Variants in PPFIBP2 observed in about 807,000 individuals in gnomAD.
PPFIBP2 encodes the protein PPFIB scaffold protein 2, also known as liprin-beta-2.
Under a neutral mutation model 118.3 loss-of-function variants are expected in PPFIBP2, and 118 were observed. The ratio of observed to expected loss-of-function variants is 1.00; its 90% CI spans 0.86 to 1.16. The LOEUF is 1.16. PPFIBP2 is among the 50% of genes most tolerant of loss of function. The pLI is 0.00. For synonymous variants in PPFIBP2, 414 were observed against 397.4 expected (o/e 1.04, Z -0.50); for missense variants, 1,195 against 1,073.1 (o/e 1.11, Z -1.59).
rs139654773 is a variant in PPFIBP2, at chr11:7,592,764, A to G, written c.280-368A>G. ...CTTGGAGAACGGTGCCAGCTCTCCA[A>G]TCTCCTCAAAGAGCAGACCCTCATT... On this transcript the variant is annotated intron_variant, in intron 3 of 23. Coordinates refer to ENST00000299492, the MANE Select transcript of PPFIBP2 (RefSeq NM_003621.5). Among the ~76,000 whole-genome samples, 20 of 152,244 alleles carry G rather than the reference A, an allele frequency of 1.3e-4. No homozygotes were observed. The East Asian group carries it at 1.9e-3, about 15-fold the overall frequency.
At chr11:7,604,473 C>T (rs554219169) in intron 5 of PPFIBP2, among the ~76,000 whole-genome samples, 17 of 143,606 alleles carry the variant, frequency 1.2e-4, no homozygotes, top group Non-Finnish European at 2.1e-4. Context: ...CATACACGCA[C>T]ACACACCCCC....
intron 1 of PPFIBP2, among the ~76,000 whole-genome samples, chr11:7,534,622 C>T (rs1168436697): frequency 3.3e-5 from 5 of 152,124 alleles, no homozygotes; most frequent in Non-Finnish European, 7.4e-5. Flanking sequence ...GGGCATGAGG[C>T]TCTCTGTCTG....
chr11:7,541,882 C>T (rs1265062426), intron 1 of PPFIBP2, among the ~76,000 whole-genome samples: 1 of 152,190 alleles, frequency 6.6e-6, no homozygotes, highest in Non-Finnish European at 1.5e-5. Context: ...ACCGTGTAGG[C>T]ACACTTGACT....
chr11:7,602,331 T>C (rs1322061394), intron 5 of PPFIBP2, among the ~76,000 whole-genome samples: 3 of 152,182 alleles, frequency 2.0e-5, no homozygotes, highest in Non-Finnish European at 4.4e-5. Flanking sequence ...AGCGATGTTC[T>C]TGTGACTGCC....
chr11:7,654,133 C>G (rs1297401676), downstream of PPFIBP2, among the ~76,000 whole-genome samples: 5 of 152,338 alleles, frequency 3.3e-5, 1 homozygote, highest in East Asian at 9.6e-4. Context: ...GAAAGACTCT[C>G]TTTCATGTGT....
chr11:7,610,333 C>A lies in PPFIBP2; in HGVS notation c.529C>A (p.Leu177Met). The stretch of plus-strand genomic sequence containing the variant: ...ATCTCTTGAGACCCAGAAGCTCGAT[C>A]TGATGACTGAAGTGTCTGAGCTGAA... ...RTSLETQKLD[L>M]MTEVSELKLK... is the part of the protein sequence containing the mutation. Residue 177 changes from leucine (L) to methionine (M), a missense_variant, in exon 6 of 24, where the codon CTG becomes ATG. Leu to Met is a conservative substitution (Grantham distance 15). Transcript: ENST00000299492. 1 of 1,614,186 alleles carries A rather than the reference C, an allele frequency of 6.2e-7. No homozygotes were observed. Among genetic ancestry groups the A allele is most frequent in the Non-Finnish European group, 8.5e-7 (1 of 1,180,010 alleles).
intron 5 of PPFIBP2, among the ~76,000 whole-genome samples, chr11:7,600,007 TG>T (rs1861140315): frequency 6.6e-6 from 1 of 152,050 alleles, no homozygotes; most frequent in Non-Finnish European, 1.5e-5. Context: ...GGTTTGGTAT[TG>T]GGCGTGTGGT....
At chr11:7,612,360 GTCATA>G (rs1434417400) in intron 6 of PPFIBP2, among the ~76,000 whole-genome samples, 1 of 152,150 alleles carries the variant, frequency 6.6e-6, no homozygotes, top group Non-Finnish European at 1.5e-5. Flanking sequence ...GCCACTTTGG[GTCATA>G]TACCTGGTTC....
intron 14 of PPFIBP2, among the ~76,000 whole-genome samples, chr11:7,636,535 G>T (rs925319109): frequency 2.0e-5 from 3 of 151,948 alleles, no homozygotes; most frequent in African/African-American, 7.3e-5. Flanking sequence ...GAACTGAAAG[G>T]CTTCCTATGG....
intron 5 of PPFIBP2, among the ~76,000 whole-genome samples, chr11:7,599,639 T>G (rs1861035793): frequency 6.7e-6 from 1 of 149,970 alleles, no homozygotes; most frequent in South Asian, 2.1e-4. Flanking sequence ...CTTTTTTTTT[T>G]TTTTTTTTTG....
In PPFIBP2 at chr11:7,641,640, C is replaced by G; in HGVS notation, c.1517+20C>G. The G allele has an allele frequency of 6.2e-7, 1 of 1,611,760 alleles. No homozygotes were observed. Among genetic ancestry groups the G allele is most frequent in the Non-Finnish European group, 8.5e-7 (1 of 1,178,154 alleles). Reference sequence around the variant, plus strand: ...GGGAAAGTAAGTTGGTGCCGTTGATCCTAATTATATTGCTTAGAATTTTTC... The same window carrying G: ...GGGAAAGTAAGTTGGTGCCGTTGATGCTAATTATATTGCTTAGAATTTTTC... On this transcript the variant is annotated intron_variant, in intron 16 of 23. Coordinates refer to ENST00000299492, the MANE Select transcript of PPFIBP2 (RefSeq NM_003621.5).
chr11:7,599,221 G>A (rs1181645058), intron 5 of PPFIBP2, among the ~76,000 whole-genome samples: 1 of 152,016 alleles, frequency 6.6e-6, no homozygotes, highest in Non-Finnish European at 1.5e-5. Flanking sequence ...CTACTAGATT[G>A]TGTTTTCAAG....
intron 1 of PPFIBP2, 85 bp from the exon 2 acceptor site, chr11:7,549,355 G>A: frequency 1.7e-6 from 2 of 1,193,024 alleles, no homozygotes; most frequent in South Asian, 1.3e-5. Flanking sequence ...GTTGTGTGAT[G>A]ATGGAATGAA....
At position 7,651,695 on chromosome 11, in the gene PPFIBP2, C is replaced by T. The variant is rs781398683; in HGVS notation, c.2287C>T (p.Leu763Phe). ...CTTCACTGGGGACACCCTGGCTATGCTTCTCAACATCCCCCCACAAAAGAC... is the reference window on the plus strand; with the variant it reads ...CTTCACTGGGGACACCCTGGCTATGTTTCTCAACATCCCCCCACAAAAGAC... Reference protein sequence around the residue: ...PRFTGDTLAMLLNIPPQKTLL... With the variant: ...PRFTGDTLAMFLNIPPQKTLL... The change falls in exon 23 of 24, where the codon CTT (leucine) becomes TTT (phenylalanine). Residue 763 changes from leucine to phenylalanine, a missense_variant. By Grantham distance (22) the Leu-to-Phe change is conservative. Coordinates refer to ENST00000299492, the MANE Select transcript of PPFIBP2 (RefSeq NM_003621.5). 1 of 1,613,508 alleles carries T rather than the reference C, an allele frequency of 6.2e-7. No homozygotes were observed. The highest frequency in any genetic ancestry group is 1.3e-5 in the African/African-American group (1 of 75,048).
chr11:7,650,904 C>A lies in PPFIBP2; in HGVS notation c.2186C>A (p.Ser729Tyr), dbSNP rs749329597. 1 of 1,614,162 alleles carries A rather than the reference C, an allele frequency of 6.2e-7. No homozygotes were observed. The highest frequency in any genetic ancestry group is 8.5e-7 in the Non-Finnish European group (1 of 1,180,002). Residue 729 changes from serine (S) to tyrosine (Y), a missense_variant, in exon 22 of 24, where the codon TCT (serine) becomes TAT (tyrosine). Physicochemically the swap from Ser to Tyr is moderately radical, Grantham distance 144. Transcript: ENST00000299492. ...SNHRVMEWLR[S>Y]VDLAEYAPNL... ...CACAGGGTGATGGAGTGGTTACGAT[C>A]TGTGGACCTGGCAGAGTATGCACCC...
chr11:7,621,049 T>A, intron 7 of PPFIBP2, 22 bp downstream of exon 7: 1 of 1,551,560 alleles, frequency 6.4e-7, no homozygotes, highest in Non-Finnish European at 8.9e-7. Context: ...TCCTGATGCT[T>A]ATGGAGAGAG....
chr11:7,665,876 G>T, the PPFIBP2 span: 1,179 of 1,536,140 alleles, frequency 7.7e-4, 13 homozygotes, highest in African/African-American at 0.013. Context: ...GCAGGGTGTG[G>T]CCTGGTGTTA....
intron 5 of PPFIBP2, chr11:7,605,780 T>G: frequency 3.6e-6 from 5 of 1,386,026 alleles, no homozygotes; most frequent in Non-Finnish European, 4.6e-6. Flanking sequence ...AGATGAAAGG[T>G]CAGAAGATTG....
At chr11:7,638,320 C>T (rs1339034611) in intron 14 of PPFIBP2, among the ~76,000 whole-genome samples, 3 of 152,198 alleles carry the variant, frequency 2.0e-5, no homozygotes, top group Admixed American at 6.5e-5. Flanking sequence ...TAATCTTCAC[C>T]TCATGGGTCA....
Sources: allele counts gnomAD v4.1 joint callset (sites outside exome capture counted in the v4.1 genomes callset), GRCh38; gene constraint gnomAD v4.1.1; transcripts MANE v1.5; gene names NCBI Gene and HGNC (gene_info 2026-07-23, HGNC 2026-07-21).